Variants in CSMD1 observed in about 807,000 individuals in gnomAD.
The protein encoded by CSMD1 is CUB and sushi domain-containing protein 1.
In CSMD1, 213 loss-of-function variants were observed where a neutral mutation model predicts 417.5. The observed-to-expected ratio is 0.51, with a 90% confidence interval of 0.46 to 0.57. The LOEUF (loss-of-function observed/expected upper bound fraction) is 0.57. CSMD1 is among the 20% of genes least tolerant of loss of function. CSMD1 has a pLI of 0.00. For synonymous variants in CSMD1, 2,862 were observed against 1,736.8 expected (o/e 1.65, Z -16.11); for missense variants, 6,923 against 4,529.7 (o/e 1.53, Z -15.17).
At chr8:3,809,681 T>A (rs1181260959) in intron 5 of CSMD1, among the ~76,000 whole-genome samples, 3 of 152,150 alleles carry the variant, frequency 2.0e-5, no homozygotes, top group Non-Finnish European at 4.4e-5. Flanking sequence ...GCTGCTAATC[T>A]GGGAACCACA....
At chr8:4,306,947 C>A (rs566002528) in intron 3 of CSMD1, among the ~76,000 whole-genome samples, 201 of 152,234 alleles carry the variant, frequency 1.3e-3, no homozygotes, top group African/African-American at 4.5e-3. Flanking sequence ...ATCTGTCGAT[C>A]CTACCCCCAA....
intron 2 of CSMD1, among the ~76,000 whole-genome samples, chr8:4,523,957 C>A (rs1246435090): frequency 6.6e-6 from 1 of 152,060 alleles, no homozygotes; most frequent in Non-Finnish European, 1.5e-5. Flanking sequence ...CAGGTGTTTC[C>A]CCAGCCAGCA....
intron 2 of CSMD1, among the ~76,000 whole-genome samples, chr8:4,578,499 G>C (rs1563303723): frequency 1.3e-5 from 2 of 151,676 alleles, no homozygotes; most frequent in South Asian, 2.1e-4. Flanking sequence ...AATATTCAGA[G>C]TATTAATTTC....
At chr8:4,610,899 T>G (rs372833383) in intron 2 of CSMD1, among the ~76,000 whole-genome samples, 21 of 152,206 alleles carry the variant, frequency 1.4e-4, no homozygotes, top group African/African-American at 4.8e-4. Flanking sequence ...CATTTAATTG[T>G]CCATGAGGAG....
At chr8:3,523,171 T>C (rs762674414) in intron 10 of CSMD1, among the ~76,000 whole-genome samples, 1 of 152,140 alleles carries the variant, frequency 6.6e-6, no homozygotes, top group Non-Finnish European at 1.5e-5. Flanking sequence ...AAGTAGATGC[T>C]GGGCTACTTG....
chr8:4,155,287 T>C (rs1796772277), intron 3 of CSMD1, among the ~76,000 whole-genome samples: 1 of 151,884 alleles, frequency 6.6e-6, no homozygotes, highest in Non-Finnish European at 1.5e-5. Flanking sequence ...AATTAGGGGG[T>C]GGAGCAGCAA....
intron 1 of CSMD1, among the ~76,000 whole-genome samples, chr8:4,936,910 C>T (rs1038681238): frequency 9.9e-5 from 15 of 152,098 alleles, no homozygotes; most frequent in African/African-American, 3.6e-4. Flanking sequence ...GTTTTATTTT[C>T]TTTAAATGTT....
intron 3 of CSMD1, among the ~76,000 whole-genome samples, chr8:4,251,816 GAGGAGGAGAGATGGAAGAGGAGAGATGC>G (rs1377991145): frequency 1.3e-5 from 2 of 149,776 alleles, no homozygotes; most frequent in Admixed American, 6.7e-5. Context: ...AGGACAGATG[GAGGAGGAGAGATGGAAGAGGAGAGATGC>G]AGGAGGAGAG....
chr8:3,218,418 G>A lies in CSMD1; in HGVS notation c.4672+837C>T, dbSNP rs187663766. Among the ~76,000 whole-genome samples the A allele has an allele frequency of 1.9e-3, 294 of 151,718 alleles. 1 individual carries two copies. The highest frequency in any genetic ancestry group is 6.8e-3 in the African/African-American group (281 of 41,346). ...CTACTAAAAATACAAAAAATCAGCCGGGCGTGGTGGCAGCTGCCTGTAGTC... is the reference window on the plus strand; with the variant it reads ...CTACTAAAAATACAAAAAATCAGCCAGGCGTGGTGGCAGCTGCCTGTAGTC... On this transcript the variant is annotated intron_variant, in intron 29 of 69. Coordinates refer to ENST00000635120, the MANE Select transcript of CSMD1 (RefSeq NM_033225.6).
At chr8:4,073,436 TTCTGTGCGACTG>T (rs1554438437) in intron 3 of CSMD1, among the ~76,000 whole-genome samples, 1 of 152,156 alleles carries the variant, frequency 6.6e-6, no homozygotes, top group Non-Finnish European at 1.5e-5. Context: ...CTATTTGTTA[TTCTGTGCGACTG>T]TCTTACTTAG....
intron 27 of CSMD1, among the ~76,000 whole-genome samples, chr8:3,224,963 G>A (rs988098257): frequency 1.3e-5 from 2 of 152,140 alleles, no homozygotes; most frequent in African/African-American, 2.4e-5. Context: ...GTTTTAAAGC[G>A]TGACTACAAT....
chr8:4,750,914 T>C (rs1811284430), intron 1 of CSMD1, among the ~76,000 whole-genome samples: 1 of 152,206 alleles, frequency 6.6e-6, no homozygotes. Context: ...CTAATTTGGA[T>C]AGCTCCATTG....
chr8:4,383,330 A>C (rs1803228075), intron 3 of CSMD1, among the ~76,000 whole-genome samples: 1 of 152,176 alleles, frequency 6.6e-6, no homozygotes, highest in African/African-American at 2.4e-5. Context: ...TCTCTGAGTC[A>C]AAGAAGATTT....
At chr8:2,942,422 C>A in intron 69 of CSMD1, 50 bp downstream of exon 69, 2 of 1,538,318 alleles carry the variant, frequency 1.3e-6, no homozygotes, top group Non-Finnish European at 1.8e-6. Flanking sequence ...TACTTTAAAC[C>A]CATAGTTTAC....
intron 5 of CSMD1, among the ~76,000 whole-genome samples, chr8:3,930,963 C>T (rs1049620075): frequency 6.6e-6 from 1 of 150,516 alleles, no homozygotes; most frequent in African/African-American, 2.5e-5. Flanking sequence ...AATACATCAG[C>T]AAAAACGCCC....
At chr8:3,358,488 G>A (rs13272616) in intron 21 of CSMD1, among the ~76,000 whole-genome samples, 41,329 of 152,042 alleles carry the variant, frequency 0.27, 5,864 homozygotes, top group African/African-American at 0.35. Flanking sequence ...TTCTTAGAGT[G>A]GCACAGTTCC....
chr8:4,172,716 T>C (rs1360762905), intron 3 of CSMD1, among the ~76,000 whole-genome samples: 1 of 152,148 alleles, frequency 6.6e-6, no homozygotes, highest in Non-Finnish European at 1.5e-5. Context: ...AGTGACAGGA[T>C]ATCACTTGAC....
At chr8:4,909,604 C>T (rs1228623028) in intron 1 of CSMD1, among the ~76,000 whole-genome samples, 2 of 152,032 alleles carry the variant, frequency 1.3e-5, no homozygotes, top group African/African-American at 2.4e-5. Context: ...GAATTTTCAC[C>T]GTGAGCACTT....
chr8:3,856,103 T>A (rs1011063743), intron 5 of CSMD1, among the ~76,000 whole-genome samples: 1 of 152,132 alleles, frequency 6.6e-6, no homozygotes, highest in Non-Finnish European at 1.5e-5. Context: ...CGTATTAAAA[T>A]GTAATTCCCA....
Sources: allele counts gnomAD v4.1 joint callset (sites outside exome capture counted in the v4.1 genomes callset), GRCh38; gene constraint gnomAD v4.1.1; transcripts MANE v1.5; gene names NCBI Gene and HGNC (gene_info 2026-07-23, HGNC 2026-07-21).